The following DMGDH variants were observed in gnomAD, a reference collection of about 807,000 sequenced individuals.
DMGDH encodes dimethylglycine dehydrogenase, mitochondrial.
DMGDH carries 76 observed loss-of-function variants against 95.2 expected under a neutral mutation model. That is an observed-to-expected ratio of 0.80 (90% CI 0.66 to 0.97). DMGDH has a LOEUF of 0.97. Ranked by LOEUF, DMGDH falls within the 50% of genes least tolerant of loss-of-function variation. The pLI, the probability that DMGDH is intolerant of heterozygous loss-of-function variation, is 0.00. For synonymous variants in DMGDH, 345 were observed against 377.6 expected (o/e 0.91, Z 1.00); for missense variants, 987 against 1,055.0 (o/e 0.94, Z 0.89).
chr5:78,997,898 T>G lies in DMGDH; in HGVS notation c.*184A>C. ...CATTTAAAAGAACAATGTAAATCAT[T>G]TATCTATTATTCTGTCTTGCTTAGA... is the stretch of plus-strand genomic sequence containing the variant. On this transcript the variant is annotated 3_prime_UTR_variant, in exon 16 of 16. Transcript: ENST00000255189. 1.6e-6 allele frequency: 1 copy of G among 636,612 alleles called. No homozygotes were observed. The highest frequency in any genetic ancestry group is 2.0e-5 in the South Asian group (1 of 49,484). The allele number at this position is 636,612 out of a possible 1,614,324, so 39.4% of individuals were successfully genotyped here.
chr5:79,005,741 G>A (rs1753536717), intron 14 of DMGDH, among the ~76,000 whole-genome samples: 1 of 152,272 alleles, frequency 6.6e-6, no homozygotes, highest in South Asian at 2.1e-4. Context: ...ACAGTGGTAC[G>A]GGCTGTCGGT....
intron 4 of DMGDH, among the ~76,000 whole-genome samples, chr5:79,051,962 G>A (rs1754879402): frequency 6.6e-6 from 1 of 152,206 alleles, no homozygotes; most frequent in Non-Finnish European, 1.5e-5. Context: ...AGAATGATCA[G>A]TGAAATATTA....
At chr5:79,053,354 C>T (rs562382769) in intron 4 of DMGDH, among the ~76,000 whole-genome samples, 10 of 152,104 alleles carry the variant, frequency 6.6e-5, no homozygotes, top group Non-Finnish European at 1.0e-4. Flanking sequence ...GTGTGTGAGA[C>T]GAGGTCTCAG....
intron 13 of DMGDH, among the ~76,000 whole-genome samples, chr5:79,024,764 T>C (rs1210659455): frequency 1.3e-5 from 2 of 152,336 alleles, no homozygotes; most frequent in Admixed American, 6.5e-5. Context: ...AGGTGGCTGA[T>C]AGAGTTCAGG....
At chr5:79,037,300 C>T (rs917636314) in intron 7 of DMGDH, among the ~76,000 whole-genome samples, 2 of 152,134 alleles carry the variant, frequency 1.3e-5, no homozygotes, top group Non-Finnish European at 2.9e-5. Context: ...GTGCATGTGA[C>T]TAACCACATG....
chr5:79,045,518 T>C (rs1164327474), intron 5 of DMGDH, among the ~76,000 whole-genome samples: 2 of 152,200 alleles, frequency 1.3e-5, no homozygotes, highest in Non-Finnish European at 1.5e-5. Flanking sequence ...TCACATCTTA[T>C]TGGTTTTTCT....
intron 4 of DMGDH, 57 bp downstream of exon 4, chr5:79,054,127 C>A: frequency 6.3e-7 from 1 of 1,591,692 alleles, no homozygotes; most frequent in Non-Finnish European, 8.6e-7. Flanking sequence ...TTCTTAATAA[C>A]TTTTTCTAAT....
At chr5:79,038,571 A>C (rs1713265540) in intron 7 of DMGDH, among the ~76,000 whole-genome samples, 1 of 152,214 alleles carries the variant, frequency 6.6e-6, no homozygotes, top group South Asian at 2.1e-4. Flanking sequence ...CAACCCATAC[A>C]TCTATGGTCA....
At chr5:79,009,242 G>C (rs144929359) in intron 14 of DMGDH, among the ~76,000 whole-genome samples, 2 of 152,006 alleles carry the variant, frequency 1.3e-5, no homozygotes, top group South Asian at 2.1e-4. Flanking sequence ...TTAGGAATTA[G>C]GTCTTTTCAG....
rs1214673220 is a variant in DMGDH at position 79,000,460 on chromosome 5, G to A, written c.2386-2163C>T. ...TTTCACCTGTTTGGGACAAACTACT[G>A]GATCAAAGTCTGCCTGAAAAGTACT... On this transcript the variant is annotated intron_variant, in intron 15 of 15. Coordinates refer to ENST00000255189, the MANE Select transcript of DMGDH (RefSeq NM_013391.3). The A allele has an allele frequency of 4.9e-6, 3 of 617,418 alleles. No individual in the cohort carries two copies. In the African/African-American group the frequency reaches 5.5e-5, roughly 11 times the overall value. The allele number at this position is 617,418 out of a possible 1,614,324, so 38.2% of individuals were successfully genotyped here.
rs369629647 is a variant in DMGDH at position 79,021,535 on chromosome 5, G to T, written c.2250+2736C>A. ...CCACTGCGCCGTCTCCCTTTGTGAT[G>T]AAAGAGTTCTTCAGTACTCCATTGT... On this transcript the variant is annotated intron_variant, in intron 14 of 15. Transcript: ENST00000255189. 28 of 1,284,022 alleles carry T rather than the reference G, an allele frequency of 2.2e-5. No homozygotes were observed. In the East Asian group the frequency reaches 5.6e-4, roughly 26 times the overall value. The allele number at this position is 1,284,022 out of a possible 1,614,324, so 79.5% of individuals were successfully genotyped here.
chr5:79,036,348 A>G (rs1464391054), intron 7 of DMGDH, among the ~76,000 whole-genome samples: 1 of 152,208 alleles, frequency 6.6e-6, no homozygotes, highest in Non-Finnish European at 1.5e-5. Flanking sequence ...ATTCTTCTCA[A>G]TGACCCTAGG....
chr5:79,024,177 C>G (rs575280994), intron 14 of DMGDH, 94 bp downstream of exon 14: 2 of 1,097,110 alleles, frequency 1.8e-6, no homozygotes, highest in East Asian at 4.8e-5. Context: ...CTCCTATAAT[C>G]CATACTTGGT....
chr5:79,026,266 TAAG>T (rs1429792116), intron 13 of DMGDH, among the ~76,000 whole-genome samples, 155 bp downstream of exon 13: 3 of 152,150 alleles, frequency 2.0e-5, no homozygotes, highest in Non-Finnish European at 2.9e-5. Context: ...CTTGAGAAAT[TAAG>T]GAGAAAAACC....
chr5:79,029,637 T>C (rs1754097838), intron 11 of DMGDH, among the ~76,000 whole-genome samples: 1 of 151,976 alleles, frequency 6.6e-6, no homozygotes, highest in African/African-American at 2.4e-5. Context: ...TAAGGTAATA[T>C]CTAAAAAAGG....
intron 14 of DMGDH, among the ~76,000 whole-genome samples, chr5:79,015,676 G>A (rs901940817): frequency 1.3e-5 from 2 of 152,078 alleles, no homozygotes; most frequent in African/African-American, 4.8e-5. Context: ...CTGTTCAAAA[G>A]AAAAACAGGA....
intron 14 of DMGDH, among the ~76,000 whole-genome samples, chr5:79,018,571 A>T (rs1424740161): frequency 6.6e-6 from 1 of 152,120 alleles, no homozygotes; most frequent in Non-Finnish European, 1.5e-5. Context: ...CCCGGGGATG[A>T]GGGATAGGTT....
intron 13 of DMGDH, 78 bp from the exon 14 acceptor site, chr5:79,024,408 G>T: frequency 7.4e-7 from 1 of 1,346,200 alleles, no homozygotes; most frequent in Non-Finnish European, 1.1e-6. Flanking sequence ...TTTGTTTTTA[G>T]GAGAAAGAAC....
At chr5:79,068,131 T>C (rs1030118008) in intron 1 of DMGDH, among the ~76,000 whole-genome samples, 1 of 152,184 alleles carries the variant, frequency 6.6e-6, no homozygotes, top group Non-Finnish European at 1.5e-5. Context: ...TTGATCAGGC[T>C]GGTCTCAAAC....
Sources: gnomAD v4.1 joint callset for allele counts (sites outside exome capture counted in the v4.1 genomes callset) on GRCh38, gnomAD v4.1.1 for gene constraint, MANE v1.5 for transcripts, NCBI Gene and HGNC (gene_info 2026-07-23, HGNC 2026-07-21) for gene names.